Variants in CUX1 observed in about 807,000 individuals in gnomAD.
CUX1 encodes the protein protein CASP.
In CUX1, 31 loss-of-function variants were observed where a neutral mutation model predicts 158.8. That is an observed-to-expected ratio of 0.20 (90% CI 0.15 to 0.26). CUX1 has a LOEUF of 0.26. CUX1 is among the 10% of genes least tolerant of loss of function. The pLI, the probability that CUX1 is intolerant of heterozygous loss-of-function variation, is 1.00. For synonymous variants in CUX1, 879 were observed against 862.1 expected (o/e 1.02, Z -0.34); for missense variants, 1,589 against 2,014.6 (o/e 0.79, Z 4.04).
chr7:102,026,100 AC>A (rs1819993047), intron 2 of CUX1, among the ~76,000 whole-genome samples: 2 of 151,680 alleles, frequency 1.3e-5, no homozygotes, highest in South Asian at 4.2e-4. Flanking sequence ...GATCGCTTGA[AC>A]CCAGGAAGTT....
intron 10 of CUX1, among the ~76,000 whole-genome samples, chr7:102,177,250 C>G (rs1217973969): frequency 6.6e-6 from 1 of 151,702 alleles, no homozygotes; most frequent in East Asian, 1.9e-4. Context: ...CCCATCTCTA[C>G]TAAAAATACA....
At chr7:101,853,537 G>C (rs1288325973) in intron 1 of CUX1, among the ~76,000 whole-genome samples, 3 of 151,478 alleles carry the variant, frequency 2.0e-5, no homozygotes, top group Admixed American at 2.0e-4. Context: ...CAAATGCCTA[G>C]TGACGTGTTG....
chr7:102,235,910 A>C (rs1024841004), intron 22 of CUX1, among the ~76,000 whole-genome samples: 6 of 151,970 alleles, frequency 3.9e-5, no homozygotes, highest in African/African-American at 1.5e-4. Flanking sequence ...CCGGGAAAGG[A>C]CTGCTGAAGG....
At chr7:102,110,556 ATAG>A (rs1274031292) in intron 6 of CUX1, among the ~76,000 whole-genome samples, 1 of 152,190 alleles carries the variant, frequency 6.6e-6, no homozygotes, top group East Asian at 1.9e-4. Flanking sequence ...AACGTGTTAC[ATAG>A]TAGTTTATGT....
chr7:101,871,528 C>T (rs898318670), intron 1 of CUX1, among the ~76,000 whole-genome samples: 84 of 152,026 alleles, frequency 5.5e-4, no homozygotes, highest in African/African-American at 2.0e-3. Context: ...TAGAGGCGAC[C>T]TTGGGCACGT....
intron 3 of CUX1, among the ~76,000 whole-genome samples, chr7:102,028,471 G>A (rs1381608452): frequency 1.1e-4 from 16 of 152,292 alleles, no homozygotes; most frequent in African/African-American, 2.9e-4. Flanking sequence ...CTAGGAAGTC[G>A]CCTTGTCCCC....
At chr7:102,094,139 TCATG>T (rs1251177343) in intron 4 of CUX1, among the ~76,000 whole-genome samples, 1 of 152,234 alleles carries the variant, frequency 6.6e-6, no homozygotes, top group Non-Finnish European at 1.5e-5. Context: ...CATTATATTG[TCATG>T]CAGTAATTAG....
intron 2 of CUX1, among the ~76,000 whole-genome samples, chr7:101,998,995 C>T (rs1212907560): frequency 6.6e-6 from 1 of 152,082 alleles, no homozygotes; most frequent in African/African-American, 2.4e-5. Flanking sequence ...GGGCAGGAGC[C>T]TAGCTTGCAG....
At chr7:102,146,666 C>T (rs1835058065) in intron 8 of CUX1, among the ~76,000 whole-genome samples, 1 of 152,100 alleles carries the variant, frequency 6.6e-6, no homozygotes, top group Non-Finnish European at 1.5e-5. Flanking sequence ...GGCGTGATCT[C>T]GGCTCACTGT....
In CUX1 at chr7:102,104,438, A is replaced by C. The variant is rs1585691426; in HGVS notation, c.509A>C (p.Asn170Thr). The C allele has an allele frequency of 6.2e-7, 1 of 1,613,384 alleles. No individual in the cohort carries two copies. The highest frequency in any genetic ancestry group is 2.2e-5 in the East Asian group (1 of 44,868). ...CTTGAGAAGGAACAGAAGTTACAGA[A>C]TGACTTTGCAGAAAAGGAGAGGTGA... is the stretch of plus-strand genomic sequence containing the variant. Reference protein sequence around the residue: ...IALEKEQKLQNDFAEKERKLQ... With the variant: ...IALEKEQKLQTDFAEKERKLQ... Residue 170 changes from asparagine (N) to threonine (T), a missense_variant, in exon 6 of 24, where the codon AAT becomes ACT. Asn to Thr is a moderately conservative substitution (Grantham distance 65, BLOSUM62 0). Transcript: ENST00000292535.
chr7:102,045,724 T>C (rs1346342394), intron 3 of CUX1, among the ~76,000 whole-genome samples: 3 of 152,288 alleles, frequency 2.0e-5, no homozygotes, highest in Non-Finnish European at 2.9e-5. Context: ...TTGTATGTAA[T>C]GAACAATCCA....
At chr7:101,953,320 G>A (rs892155606) in intron 2 of CUX1, among the ~76,000 whole-genome samples, 3 of 152,148 alleles carry the variant, frequency 2.0e-5, no homozygotes, top group Admixed American at 1.3e-4. Context: ...CACTTGGTGC[G>A]GTAAGAAGCA....
At chr7:102,084,294 ATATTT>A (rs1306076573) in intron 4 of CUX1, among the ~76,000 whole-genome samples, 4 of 148,584 alleles carry the variant, frequency 2.7e-5, no homozygotes, top group African/African-American at 9.8e-5. Context: ...ATATAAATAT[ATATTT>A]TATATTATGT....
chr7:102,003,076 A>G (rs1339529136), intron 2 of CUX1, among the ~76,000 whole-genome samples: 1 of 151,736 alleles, frequency 6.6e-6, no homozygotes, highest in Non-Finnish European at 1.5e-5. Flanking sequence ...TAATTTTTGT[A>G]TTTTTAGTAG....
At chr7:102,045,132 A>G (rs1477580968) in intron 3 of CUX1, among the ~76,000 whole-genome samples, 1 of 152,252 alleles carries the variant, frequency 6.6e-6, no homozygotes, top group Non-Finnish European at 1.5e-5. Flanking sequence ...TGGCTCAATT[A>G]GGGACCCGTC....
chr7:102,249,374 C>G lies in CUX1; in HGVS notation c.*332C>G. On this transcript the variant is annotated 3_prime_UTR_variant, in exon 24 of 24. Coordinates refer to ENST00000292535, the MANE Select transcript of CUX1 (RefSeq NM_181552.4). ...CCTGCGGGCCACAGGGCAAAATCGC[C>G]ATAGGCCAAGGTGCATATAGAAAAC... The G allele has an allele frequency of 1.0e-6, 1 of 997,312 alleles. No homozygotes were observed. The allele number at this position is 997,312 out of a possible 1,614,324, so 61.8% of individuals were successfully genotyped here. A position where few individuals can be genotyped will look rare whatever the true frequency, so the allele number is the denominator to read the frequency against.
chr7:101,841,097 G>A (rs557735896), intron 1 of CUX1, among the ~76,000 whole-genome samples: 1 of 151,976 alleles, frequency 6.6e-6, no homozygotes, highest in South Asian at 2.1e-4. Context: ...GTTTCACCGT[G>A]TTAGGCAGGA....
chr7:101,944,544 C>T (rs1808140197), intron 2 of CUX1, among the ~76,000 whole-genome samples: 1 of 152,344 alleles, frequency 6.6e-6, no homozygotes, highest in Middle Eastern at 3.4e-3. Flanking sequence ...GCCCCTCTCA[C>T]TTCACAGATG....
rs1287313662 is a variant in CUX1, at chr7:101,828,294, GA to G, written c.30+10636del. On this transcript the variant is annotated intron_variant, in intron 1 of 23. Coordinates refer to ENST00000292535, the MANE Select transcript of CUX1 (RefSeq NM_181552.4). ...CCCACTCAATGTCACTTTTATTATG[GA>G]AAAAAAAAAATCTGCGTGTAAGTGG... 4.9e-4 allele frequency among the ~76,000 whole-genome samples: 72 copies of G among 146,922 alleles called. 1 individual carries two copies. Among genetic ancestry groups the G allele is most frequent in the African/African-American group, 1.4e-3 (56 of 40,286 alleles).
Sources: gnomAD v4.1 joint callset for allele counts (sites outside exome capture counted in the v4.1 genomes callset) on GRCh38, gnomAD v4.1.1 for gene constraint, MANE v1.5 for transcripts, NCBI Gene and HGNC (gene_info 2026-07-23, HGNC 2026-07-21) for gene names.